Variants in TYW1 observed in about 807,000 individuals in gnomAD.
TYW1 encodes tRNA-yW synthesizing protein 1 homolog, also known as S-adenosyl-L-methionine-dependent tRNA 4-demethylwyosine synthase TYW1.
Under a neutral mutation model 96.2 loss-of-function variants are expected in TYW1, and 46 were observed. The observed-to-expected ratio is 0.48, with a 90% CI of 0.38 to 0.61. The LOEUF is 0.61. Ranked by LOEUF, TYW1 falls within the 20% of genes least tolerant of loss-of-function variation. The probability of loss-of-function intolerance (pLI) is 0.00; values close to 1 mark genes in which losing one functional copy is unlikely to be tolerated. For missense variants in TYW1, 684 were observed against 909.6 expected (o/e 0.75, Z 3.19); for synonymous variants, 274 against 323.0 (o/e 0.85, Z 1.63).
chr7:67,015,359 G>A (rs1793981008), intron 5 of TYW1, among the ~76,000 whole-genome samples: 1 of 151,962 alleles, frequency 6.6e-6, no homozygotes, highest in African/African-American at 2.4e-5. Flanking sequence ...TTAAAATTAT[G>A]TTTATTTTTT....
intron 5 of TYW1, among the ~76,000 whole-genome samples, chr7:67,015,146 C>T (rs1444941920): frequency 6.6e-6 from 1 of 152,024 alleles, no homozygotes; most frequent in Non-Finnish European, 1.5e-5. Context: ...GGATTACAGG[C>T]ACCCACCACC....
chr7:67,010,414 C>T (rs948405599), intron 4 of TYW1, among the ~76,000 whole-genome samples: 1 of 152,144 alleles, frequency 6.6e-6, no homozygotes, highest in Non-Finnish European at 1.5e-5. Flanking sequence ...ATCCTCCTTC[C>T]TCAGCCTCCT....
chr7:67,228,440 C>T (rs1160898133), intron 15 of TYW1, among the ~76,000 whole-genome samples: 8 of 152,144 alleles, frequency 5.3e-5, no homozygotes, highest in African/African-American at 1.7e-4. Flanking sequence ...CTGGTCCCTC[C>T]CACAACACAT....
At chr7:67,021,149 A>G (rs1794249227) in intron 6 of TYW1, among the ~76,000 whole-genome samples, 1 of 152,284 alleles carries the variant, frequency 6.6e-6, no homozygotes, top group South Asian at 2.1e-4. Flanking sequence ...CGTTGTTCAG[A>G]TTTATCCTTG....
intron 13 of TYW1, among the ~76,000 whole-genome samples, chr7:67,168,155 ATT>A (rs397894904): frequency 7.5e-6 from 1 of 133,606 alleles, no homozygotes; most frequent in African/African-American, 2.9e-5. Context: ...TTATCATATC[ATT>A]TTTTTTGCGT....
intron 9 of TYW1, among the ~76,000 whole-genome samples, chr7:67,056,845 AG>A (rs1353944199): frequency 2.6e-5 from 4 of 152,174 alleles, no homozygotes; most frequent in African/African-American, 7.2e-5. Flanking sequence ...TAACTTTAGA[AG>A]AAACTCCGAA....
chr7:67,150,973 T>C (rs1584624109), intron 13 of TYW1, among the ~76,000 whole-genome samples: 1 of 151,344 alleles, frequency 6.6e-6, no homozygotes, highest in South Asian at 2.1e-4. Context: ...ACGGTAACTT[T>C]ACACCAGACC....
intron 13 of TYW1, among the ~76,000 whole-genome samples, chr7:67,168,810 C>A (rs1726115962): frequency 6.6e-6 from 1 of 152,010 alleles, no homozygotes; most frequent in African/African-American, 2.4e-5. Flanking sequence ...CTCCCAGGTT[C>A]AAGCGGTTCT....
chr7:67,094,243 G>A (rs13244230), intron 11 of TYW1, among the ~76,000 whole-genome samples: 5 of 152,060 alleles, frequency 3.3e-5, no homozygotes, highest in Admixed American at 6.6e-5. Flanking sequence ...CCAGTCAACC[G>A]TTGATGGACA....
rs190181352 is a variant in TYW1 at position 67,158,375 on chromosome 7, A to G, written c.1699-24751A>G. 1.6e-4 allele frequency among the ~76,000 whole-genome samples: 25 copies of G among 152,250 alleles called. No homozygotes were observed. The East Asian group carries it at 4.5e-3, about 27-fold the overall frequency. ...AGTGCTGGGATCACAGGCGTGAGCCACCATGCCTGGCCTGCTAAGGATTTT... is the reference window on the plus strand; with the variant it reads ...AGTGCTGGGATCACAGGCGTGAGCCGCCATGCCTGGCCTGCTAAGGATTTT... On this transcript the variant is annotated intron_variant, in intron 13 of 15. Transcript: ENST00000359626.
At chr7:67,102,810 C>A (rs1191412332) in intron 12 of TYW1, among the ~76,000 whole-genome samples, 1 of 152,124 alleles carries the variant, frequency 6.6e-6, no homozygotes, top group African/African-American at 2.4e-5. Context: ...CACCACCACA[C>A]CCAGCTAATT....
chr7:67,191,273 A>G (rs555527164), intron 14 of TYW1, among the ~76,000 whole-genome samples: 1 of 152,226 alleles, frequency 6.6e-6, no homozygotes, highest in South Asian at 2.1e-4. Context: ...AGATAGCCAC[A>G]GTATAGCAGC....
chr7:67,132,272 C>T (rs1265329344), intron 13 of TYW1, among the ~76,000 whole-genome samples: 2 of 150,990 alleles, frequency 1.3e-5, no homozygotes, highest in African/African-American at 2.5e-5. Flanking sequence ...CCACTGTGCC[C>T]GGCTAATTTT....
intron 13 of TYW1, among the ~76,000 whole-genome samples, chr7:67,165,073 T>C (rs889456989): frequency 8.6e-5 from 13 of 151,698 alleles, no homozygotes; most frequent in East Asian, 3.9e-4. Flanking sequence ...ACTCCCACCG[T>C]CAATGAACAA....
rs1329084583 is a variant in TYW1 at position 67,065,988 on chromosome 7, T to G, written c.1156-1297T>G. 5.5e-5 allele frequency among the ~76,000 whole-genome samples: 8 copies of G among 145,146 alleles called. No homozygotes were observed. The East Asian group carries it at 1.6e-3, about 30-fold the overall frequency. ...TCACACTACTGCACTCCAGCCTAGGTGACAGAGTGAGACTACACACACACA... is the reference window on the plus strand; with the variant it reads ...TCACACTACTGCACTCCAGCCTAGGGGACAGAGTGAGACTACACACACACA... On this transcript the variant is annotated intron_variant, in intron 9 of 15. Transcript: ENST00000359626.
intron 12 of TYW1, among the ~76,000 whole-genome samples, chr7:67,111,004 C>CA (rs987163195): frequency 3.3e-5 from 5 of 150,990 alleles, no homozygotes; most frequent in Admixed American, 3.3e-4. Context: ...GACCTTGTCG[C>CA]AAAAAATAAA....
At chr7:67,172,439 G>A (rs1308342947) in intron 13 of TYW1, among the ~76,000 whole-genome samples, 1 of 114,458 alleles carries the variant, frequency 8.7e-6, no homozygotes, top group Non-Finnish European at 1.9e-5. Flanking sequence ...TCTTTTTTTT[G>A]AGATGGAGTC....
chr7:67,228,527 A>G (rs1300413950), intron 15 of TYW1, among the ~76,000 whole-genome samples: 1 of 152,202 alleles, frequency 6.6e-6, no homozygotes, highest in African/African-American at 2.4e-5. Flanking sequence ...GTTTCTTAAT[A>G]AAGGCTTTTT....
At chr7:67,208,514 T>A (rs4718481) in intron 15 of TYW1, among the ~76,000 whole-genome samples, 73,051 of 151,418 alleles carry the variant, frequency 0.48, 18,144 homozygotes, top group African/African-American at 0.6. Flanking sequence ...ATATGGTGAA[T>A]CCCCATCTCT....
Sources: gnomAD v4.1 joint callset for allele counts (sites outside exome capture counted in the v4.1 genomes callset) on GRCh38, gnomAD v4.1.1 for gene constraint, MANE v1.5 for transcripts, NCBI Gene and HGNC (gene_info 2026-07-23, HGNC 2026-07-21) for gene names.